STK33: variants seen among roughly 807,000 people sequenced by gnomAD.
The protein encoded by STK33 is serine/threonine-protein kinase 33.
Under a neutral mutation model 58.0 loss-of-function variants are expected in STK33, and 52 were observed. That is an observed-to-expected ratio of 0.90 (90% CI 0.72 to 1.13). STK33 has a LOEUF of 1.13. Among genes scored for constraint, STK33 ranks in the 50% most tolerant of loss-of-function variants. The pLI, the probability that STK33 is intolerant of heterozygous loss-of-function variation, is 0.00. For missense variants in STK33, 630 were observed against 604.2 expected, an observed-to-expected ratio of 1.04 and a Z score of -0.45; for synonymous variants, 215 against 200.1, an observed-to-expected ratio of 1.07 and a Z score of -0.63.
At chr11:8,416,385 A>G (rs1011683693) in intron 14 of STK33, among the ~76,000 whole-genome samples, 9 of 152,094 alleles carry the variant, frequency 5.9e-5, no homozygotes, top group African/African-American at 2.2e-4. Context: ...TATTTCTAAC[A>G]TTCTAAATTA....
downstream of STK33, among the ~76,000 whole-genome samples, chr11:8,390,939 T>C (rs909785277): frequency 2.6e-5 from 4 of 152,230 alleles, no homozygotes; most frequent in Admixed American, 1.3e-4. Flanking sequence ...TATTTCATTT[T>C]CAAGCCCAGG....
At chr11:8,411,342 T>C (rs561489379) in intron 15 of STK33, among the ~76,000 whole-genome samples, 1 of 152,350 alleles carries the variant, frequency 6.6e-6, no homozygotes, top group Admixed American at 6.5e-5. Context: ...GTGTGATATC[T>C]TAGTCCAAAT....
intron 14 of STK33, among the ~76,000 whole-genome samples, chr11:8,414,773 T>C (rs1455500055): frequency 2.0e-5 from 3 of 152,174 alleles, no homozygotes; most frequent in South Asian, 2.1e-4. Flanking sequence ...TAACATCCCA[T>C]TACACCTTAC....
intron 9 of STK33, among the ~76,000 whole-genome samples, chr11:8,455,245 A>G (rs1946704650): frequency 6.6e-6 from 1 of 152,222 alleles, no homozygotes; most frequent in Admixed American, 6.5e-5. Flanking sequence ...GTCAGCATAA[A>G]CATTTTAACA....
rs1944043980 is a variant in STK33, at chr11:8,436,194, A to G, written c.948-55T>C. 9 of 1,090,050 alleles carry G rather than the reference A, an allele frequency of 8.3e-6. No homozygotes were observed. The African/African-American group carries it at 1.5e-4, about 18-fold the overall frequency. The allele number at this position is 1,090,050 out of a possible 1,614,324, so 67.5% of individuals were successfully genotyped here. On this transcript the variant is annotated intron_variant, in intron 12 of 15. Transcript: ENST00000687296. ...TTTTTTAAATAATAAAAATAAGCCTATTAAAATTAAGTTTCCATAGGACTT... is the reference window on the plus strand; with the variant it reads ...TTTTTTAAATAATAAAAATAAGCCTGTTAAAATTAAGTTTCCATAGGACTT...
chr11:8,446,604 T>C (rs927735215), intron 11 of STK33, among the ~76,000 whole-genome samples: 3 of 152,166 alleles, frequency 2.0e-5, no homozygotes, highest in African/African-American at 7.2e-5. Flanking sequence ...AGCCTGGTAC[T>C]GGTACCAAAA....
At chr11:8,468,890 C>A (rs1201773100) in intron 6 of STK33, among the ~76,000 whole-genome samples, 1 of 152,092 alleles carries the variant, frequency 6.6e-6, no homozygotes, top group Non-Finnish European at 1.5e-5. Context: ...TATGTTTACA[C>A]TATATTATAA....
intron 12 of STK33, among the ~76,000 whole-genome samples, chr11:8,439,512 G>C (rs1944450461): frequency 6.6e-6 from 1 of 151,946 alleles, no homozygotes; most frequent in African/African-American, 2.4e-5. Flanking sequence ...ATAAATGTAG[G>C]AACTCTGCTA....
the STK33 span, among the ~76,000 whole-genome samples, chr11:8,369,746 A>G: frequency 1.3e-5 from 2 of 152,132 alleles, no homozygotes; most frequent in Non-Finnish European, 2.9e-5. Context: ...CTGCTTGCAA[A>G]TTCCTGAAAG....
the STK33 span, among the ~76,000 whole-genome samples, chr11:8,347,289 G>A: frequency 2.0e-5 from 3 of 152,206 alleles, no homozygotes; most frequent in African/African-American, 4.8e-5. Context: ...CTCAGACAGC[G>A]TGGCTGGACC....
chr11:8,448,707 C>T (rs1732120127), intron 11 of STK33, among the ~76,000 whole-genome samples: 1 of 152,118 alleles, frequency 6.6e-6, no homozygotes. Context: ...CAATACCATT[C>T]AGGACATAGG....
chr11:8,363,195 G>T, the STK33 span, among the ~76,000 whole-genome samples: 5 of 152,274 alleles, frequency 3.3e-5, no homozygotes, highest in South Asian at 1.0e-3. Flanking sequence ...GGGGGCGGGC[G>T]AGGGAAGAGA....
chr11:8,585,479 C>A (rs966171970), intron 1 of STK33, among the ~76,000 whole-genome samples: 2 of 151,852 alleles, frequency 1.3e-5, no homozygotes, highest in African/African-American at 4.8e-5. Context: ...CCCGCCTCAG[C>A]CTCCCAAAGT....
chr11:8,478,842 C>G (rs1029077274), intron 2 of STK33, among the ~76,000 whole-genome samples: 1 of 151,822 alleles, frequency 6.6e-6, no homozygotes, highest in Non-Finnish European at 1.5e-5. Flanking sequence ...TAAAGAAGGG[C>G]CCAGTGAGTT....
At chr11:8,403,486 T>C (rs1384423561) in intron 15 of STK33, among the ~76,000 whole-genome samples, 1 of 152,194 alleles carries the variant, frequency 6.6e-6, no homozygotes, top group Non-Finnish European at 1.5e-5. Context: ...AGGAGGCATA[T>C]TTCAGCACTG....
chr11:8,473,347 AT>A, intron 5 of STK33, 71 bp from the exon 6 acceptor site: 1 of 895,598 alleles, frequency 1.1e-6, no homozygotes, highest in Non-Finnish European at 1.8e-6. Context: ...AAGAATCCTA[AT>A]TTAGATAATC....
chr11:8,534,568 C>CTCTCTCTCTCTGTGTGTGTGTGTGTGTG (rs1402710450), intron 1 of STK33, among the ~76,000 whole-genome samples: 1 of 104,738 alleles, frequency 9.5e-6, no homozygotes, highest in African/African-American at 4.1e-5. Flanking sequence ...CTCTCTCTCT[C>CTCTCTCTCTCTGTGTGTGTGTGTGTGTG]TGTGTGTGTG....
At chr11:8,585,992 G>T (rs942369630) in intron 1 of STK33, among the ~76,000 whole-genome samples, 1 of 152,074 alleles carries the variant, frequency 6.6e-6, no homozygotes, top group Non-Finnish European at 1.5e-5. Context: ...GGTGGAGTTT[G>T]CAGTGAACCA....
At chr11:8,419,055 T>C (rs1941538691) in intron 14 of STK33, among the ~76,000 whole-genome samples, 1 of 152,200 alleles carries the variant, frequency 6.6e-6, no homozygotes, top group South Asian at 2.1e-4. Context: ...GTTGATAGTT[T>C]CTTGTACTGT....
Sources: gnomAD v4.1 joint callset for allele counts (sites outside exome capture counted in the v4.1 genomes callset) on GRCh38, gnomAD v4.1.1 for gene constraint, MANE v1.5 for transcripts, NCBI Gene and HGNC (gene_info 2026-07-23, HGNC 2026-07-21) for gene names.